The following CDK5RAP2 variants were observed in gnomAD, a reference collection of about 807,000 sequenced individuals.
CDK5RAP2 encodes CDK5 regulatory subunit associated protein 2.
A neutral mutation model predicts 232.9 loss-of-function variants in CDK5RAP2; 147 were observed. That is an observed-to-expected ratio of 0.63 (90% CI 0.55 to 0.72). The LOEUF is 0.72. CDK5RAP2 is among the 30% of genes least tolerant of loss of function. CDK5RAP2 has a pLI of 0.00. For synonymous variants in CDK5RAP2, 833 were observed against 833.7 expected (o/e 1.00, Z 0.01); for missense variants, 2,195 against 2,231.5 (o/e 0.98, Z 0.33).
At chr9:120,426,956 C>T (rs183517851) in intron 25 of CDK5RAP2, among the ~76,000 whole-genome samples, 21 of 152,180 alleles carry the variant, frequency 1.4e-4, no homozygotes, top group African/African-American at 4.6e-4. Context: ...CATGTCTGAC[C>T]GCCCCCCACT....
chr9:120,497,632 G>C (rs1461831266), intron 12 of CDK5RAP2, among the ~76,000 whole-genome samples: 1 of 152,058 alleles, frequency 6.6e-6, no homozygotes, highest in Non-Finnish European at 1.5e-5. Flanking sequence ...CATCAATAAT[G>C]ACAGACTGAC....
At chr9:120,444,391 A>C (rs1366709927) in intron 22 of CDK5RAP2, among the ~76,000 whole-genome samples, 1 of 152,248 alleles carries the variant, frequency 6.6e-6, no homozygotes, top group Non-Finnish European at 1.5e-5. Context: ...TGATTTAGTT[A>C]ACTGCCACCT....
intron 21 of CDK5RAP2, among the ~76,000 whole-genome samples, chr9:120,450,589 A>G (rs1487765384): frequency 6.6e-6 from 1 of 152,166 alleles, no homozygotes. Context: ...AAAACAGAAA[A>G]TATTTGGGAC....
intron 14 of CDK5RAP2, among the ~76,000 whole-genome samples, chr9:120,483,972 A>G (rs1588455052): frequency 6.6e-6 from 1 of 152,192 alleles, no homozygotes; most frequent in Non-Finnish European, 1.5e-5. Flanking sequence ...TAATTTTAAT[A>G]CCCTGAAAAT....
Position 120,557,077 on chromosome 9 carries a change from G to A in CDK5RAP2, c.196-6175C>T, listed in dbSNP as rs562446283. Among the ~76,000 whole-genome samples, 4 of 152,298 alleles carry A rather than the reference G, an allele frequency of 2.6e-5. No homozygotes were observed. The South Asian group carries it at 6.2e-4, about 24-fold the overall frequency. On this transcript the variant is annotated intron_variant, in intron 3 of 37. Transcript: ENST00000349780. The stretch of plus-strand genomic sequence containing the variant: ...CTTAACAACACTTGAAAGAATATTT[G>A]TCCTATTTATAGGTAAAGAAATTTT...
At chr9:120,491,545 G>T in intron 12 of CDK5RAP2, 68 bp from the exon 13 acceptor site, 1 of 1,063,422 alleles carries the variant, frequency 9.4e-7, no homozygotes, top group Non-Finnish European at 1.4e-6. Context: ...TGTTTGACTT[G>T]CTAAATTACT....
intron 18 of CDK5RAP2, 105 bp downstream of exon 18, chr9:120,467,755 C>A: frequency 8.1e-7 from 1 of 1,239,740 alleles, no homozygotes. Flanking sequence ...AAGTGATCCT[C>A]CCACCTCAGC....
At chr9:120,405,832 T>C (rs1167278367) in intron 32 of CDK5RAP2, among the ~76,000 whole-genome samples, 1 of 152,128 alleles carries the variant, frequency 6.6e-6, no homozygotes, top group African/African-American at 2.4e-5. Context: ...CTGCAAACAA[T>C]CATTAGGAAG....
intron 12 of CDK5RAP2, among the ~76,000 whole-genome samples, chr9:120,511,702 C>T (rs2040092812): frequency 6.6e-6 from 1 of 151,568 alleles, no homozygotes; most frequent in Non-Finnish European, 1.5e-5. Flanking sequence ...TGTAAGTCCC[C>T]CTCTTTAGCA....
intron 29 of CDK5RAP2, among the ~76,000 whole-genome samples, chr9:120,410,377 C>T (rs1165678850): frequency 6.6e-6 from 1 of 152,180 alleles, no homozygotes; most frequent in Non-Finnish European, 1.5e-5. Context: ...GGCCCTGGCT[C>T]CTCTCAATCT....
In CDK5RAP2 at chr9:120,389,093, A is replaced by T; in HGVS notation, c.*143T>A. On this transcript the variant is annotated 3_prime_UTR_variant, in exon 38 of 38. Coordinates refer to ENST00000349780, the MANE Select transcript of CDK5RAP2 (RefSeq NM_018249.6). ...GACAACAACTCTCAAGCCAACTTTC[A>T]GAGAGAAAACATGAAGGGAAAAAAT... 1 of 780,750 alleles carries T rather than the reference A, an allele frequency of 1.3e-6. No individual in the cohort carries two copies. The highest frequency in any genetic ancestry group is 2.1e-6 in the Non-Finnish European group (1 of 471,104). The allele number at this position is 780,750 out of a possible 1,614,324, so 48.4% of individuals were successfully genotyped here. A position where few individuals can be genotyped will look rare whatever the true frequency, so the allele number is the denominator to read the frequency against.
At chr9:120,445,012 C>T (rs1354877845) in intron 22 of CDK5RAP2, among the ~76,000 whole-genome samples, 1 of 152,114 alleles carries the variant, frequency 6.6e-6, no homozygotes, top group African/African-American at 2.4e-5. Context: ...AATCCCTGAC[C>T]CACTCTGGAA....
In CDK5RAP2 at chr9:120,527,805, C is replaced by A; in HGVS notation, c.999+1G>T. The stretch of plus-strand genomic sequence containing the variant: ...TCTTACTTCAAGTGTATCAGACATA[C>A]CTTTTTTTCCTTTGATTTTAATGCC... On this transcript the variant is annotated splice_donor_variant, in intron 10 of 37. Coordinates refer to ENST00000349780, the MANE Select transcript of CDK5RAP2 (RefSeq NM_018249.6). LOFTEE classifies it high-confidence loss of function. 1 of 1,613,242 alleles carries A rather than the reference C, an allele frequency of 6.2e-7. No individual in the cohort carries two copies. The highest frequency in any genetic ancestry group is 8.5e-7 in the Non-Finnish European group (1 of 1,179,910).
chr9:120,464,626 C>T (rs996065735), intron 18 of CDK5RAP2, among the ~76,000 whole-genome samples: 2 of 152,096 alleles, frequency 1.3e-5, no homozygotes, highest in African/African-American at 4.8e-5. Context: ...GCTTACTGGA[C>T]AAGAATCTGC....
intron 13 of CDK5RAP2, among the ~76,000 whole-genome samples, chr9:120,489,884 C>G (rs529323814): frequency 3.1e-4 from 47 of 151,496 alleles, no homozygotes; most frequent in Non-Finnish European, 4.7e-4. Flanking sequence ...CTCGGCTCAC[C>G]GCAACCTCTG....
At chr9:120,477,210 GC>G in intron 15 of CDK5RAP2, 139 bp downstream of exon 15, 1 of 736,664 alleles carries the variant, frequency 1.4e-6, no homozygotes, top group South Asian at 1.4e-5. Flanking sequence ...CGCCACCCAA[GC>G]TTTATAAGCT....
intron 23 of CDK5RAP2, chr9:120,440,245 C>G (rs1588339932): frequency 2.1e-6 from 1 of 483,566 alleles, no homozygotes; most frequent in East Asian, 3.8e-5. Flanking sequence ...CCATGATAAA[C>G]CCACACACAC....
chr9:120,547,373 G>T (rs1162002202), intron 4 of CDK5RAP2, among the ~76,000 whole-genome samples: 1 of 152,072 alleles, frequency 6.6e-6, no homozygotes, highest in Non-Finnish European at 1.5e-5. Context: ...GGAGGCTGAG[G>T]TGGGCGGATC....
chr9:120,405,414 G>C (rs2033363897), intron 32 of CDK5RAP2, among the ~76,000 whole-genome samples: 2 of 152,204 alleles, frequency 1.3e-5, no homozygotes, highest in Admixed American at 1.3e-4. Flanking sequence ...AGCAGGTAAA[G>C]GCTGTTTGAT....
Sources: gnomAD v4.1 joint callset for allele counts (sites outside exome capture counted in the v4.1 genomes callset) on GRCh38, gnomAD v4.1.1 for gene constraint, MANE v1.5 for transcripts, NCBI Gene and HGNC (gene_info 2026-07-23, HGNC 2026-07-21) for gene names.